The following PHF14 variants were observed in gnomAD, a reference collection of about 807,000 sequenced individuals.
PHF14 encodes the protein PHD finger protein 14.
In PHF14, 55 loss-of-function variants were observed where a neutral mutation model predicts 117.9. That is an observed-to-expected ratio of 0.47 (90% CI 0.38 to 0.58). The LOEUF is 0.58. Ranked by LOEUF, PHF14 falls within the 20% of genes least tolerant of loss-of-function variation. PHF14 has a pLI of 0.00. For missense variants in PHF14, 978 were observed against 1,122.2 expected (o/e 0.87, Z 1.84); for synonymous variants, 409 against 368.6 (o/e 1.11, Z -1.26).
chr7:11,086,696 T>A (rs536408821), intron 16 of PHF14, among the ~76,000 whole-genome samples: 2 of 152,342 alleles, frequency 1.3e-5, no homozygotes, highest in Non-Finnish European at 2.9e-5. Flanking sequence ...AATTGTCAGA[T>A]ATTAATGGGA....
intron 17 of PHF14, among the ~76,000 whole-genome samples, chr7:11,147,778 T>A (rs1454857507): frequency 2.6e-5 from 4 of 152,160 alleles, no homozygotes; most frequent in Non-Finnish European, 4.4e-5. Flanking sequence ...TTGCATGCAG[T>A]TGTACCTGTA....
At chr7:11,115,198 G>T (rs1357905538) in intron 17 of PHF14, among the ~76,000 whole-genome samples, 1 of 151,666 alleles carries the variant, frequency 6.6e-6, no homozygotes, top group African/African-American at 2.4e-5. Context: ...CACTACTACT[G>T]TCTTGATTTA....
chr7:11,081,404 T>C (rs926294848), intron 16 of PHF14, among the ~76,000 whole-genome samples: 1 of 152,210 alleles, frequency 6.6e-6, no homozygotes, highest in African/African-American at 2.4e-5. Flanking sequence ...GTGAAAAATA[T>C]TTGGAACCAA....
At chr7:11,100,987 A>G (rs1787066613) in intron 16 of PHF14, among the ~76,000 whole-genome samples, 1 of 151,870 alleles carries the variant, frequency 6.6e-6, no homozygotes, top group Non-Finnish European at 1.5e-5. Flanking sequence ...TTTGAAAACA[A>G]TTTTTTCTAC....
At chr7:11,063,463 T>G in intron 16 of PHF14, 2 of 980,706 alleles carry the variant, frequency 2.0e-6, no homozygotes, top group Non-Finnish European at 2.4e-6. Context: ...AAAATTTAAT[T>G]CAGGAAAATT....
chr7:11,122,021 C>T (rs538369324), intron 17 of PHF14, among the ~76,000 whole-genome samples: 1 of 151,550 alleles, frequency 6.6e-6, no homozygotes, highest in Admixed American at 6.6e-5. Context: ...TTGCCCTACC[C>T]CCCGACAGGC....
intron 16 of PHF14, chr7:11,106,852 T>C: frequency 1.0e-6 from 1 of 984,214 alleles, no homozygotes; most frequent in Non-Finnish European, 1.2e-6. Context: ...TAATAGTCTA[T>C]ATTTTCAGAG....
rs1228199086 is a variant in PHF14 at position 11,028,878 on chromosome 7, G to A, written c.1455+60G>A. ...TTCACAAGATATCTTTTGACTCTAT[G>A]TCCTATAATAAGTGTAAATAATAAA... On this transcript the variant is annotated intron_variant, in intron 7 of 17. Coordinates refer to ENST00000634607, the MANE Select transcript of PHF14 (RefSeq NM_001007157.2). 4.4e-6 allele frequency: 6 copies of A among 1,376,998 alleles called. No individual in the cohort carries two copies. The East Asian group carries it at 1.2e-4, about 27-fold the overall frequency. 85.3% of individuals were successfully genotyped at this position (1,376,998 alleles called of 1,614,324 possible).
intron 16 of PHF14, among the ~76,000 whole-genome samples, chr7:11,074,320 C>T (rs528583720): frequency 1.2e-4 from 18 of 151,832 alleles, no homozygotes; most frequent in African/African-American, 4.4e-4. Flanking sequence ...ATACCATTCT[C>T]CTGCCTCAGC....
intron 17 of PHF14, among the ~76,000 whole-genome samples, chr7:11,143,160 A>G (rs1788445600): frequency 6.6e-6 from 1 of 152,208 alleles, no homozygotes; most frequent in East Asian, 1.9e-4. Context: ...ATTGTATTGA[A>G]CTATGGTTTA....
chr7:10,982,608 A>G lies in PHF14; in HGVS notation c.349A>G (p.Lys117Glu). The change falls in exon 3 of 18, where the codon AAA becomes GAA. Residue 117 changes from lysine to glutamate, a missense_variant. Around this residue, in one of 7 missense-constraint regions of PHF14, gnomAD observed 414 missense variants for 376.4 expected, o/e 1.10. Coordinates refer to ENST00000634607, the MANE Select transcript of PHF14 (RefSeq NM_001007157.2). ...AGAAAGACCTAGAAAGAAAAAGGAG[A>G]AAGAGAAGGAAAAAGAAAAGGAAAA... Reference protein sequence around the residue: ...NGERPRKKKEKEKEKEKEKEK... With the variant: ...NGERPRKKKEEEKEKEKEKEK... 1 of 1,519,280 alleles carries G rather than the reference A, an allele frequency of 6.6e-7. No individual in the cohort carries two copies. The highest frequency in any genetic ancestry group is 1.2e-5 in the South Asian group (1 of 82,144). The allele number at this position is 1,519,280 out of a possible 1,614,324, so 94.1% of individuals were successfully genotyped here.
intron 17 of PHF14, among the ~76,000 whole-genome samples, chr7:11,138,434 TC>T (rs1481226259): frequency 6.6e-6 from 1 of 152,152 alleles, no homozygotes; most frequent in Non-Finnish European, 1.5e-5. Context: ...ACCCACTTTA[TC>T]CCTTATTATT....
intron 5 of PHF14, among the ~76,000 whole-genome samples, chr7:11,014,711 C>A (rs1390672622): frequency 6.6e-6 from 1 of 152,136 alleles, no homozygotes; most frequent in Non-Finnish European, 1.5e-5. Flanking sequence ...GTGTTATGCT[C>A]ACTCTGAGAA....
chr7:11,043,574 A>C (rs1300552833), intron 13 of PHF14, among the ~76,000 whole-genome samples: 1 of 152,106 alleles, frequency 6.6e-6, no homozygotes, highest in Non-Finnish European at 1.5e-5. Context: ...CAAATACATT[A>C]GGCATATTTT....
intron 17 of PHF14, among the ~76,000 whole-genome samples, chr7:11,122,331 T>TAA (rs1787779306): frequency 1.2e-5 from 1 of 84,054 alleles, no homozygotes; most frequent in Non-Finnish European, 2.2e-5. Context: ...TTTGTACTTT[T>TAA]TATATATATA....
intron 16 of PHF14, chr7:11,104,936 C>T: frequency 1.0e-6 from 1 of 967,108 alleles, no homozygotes; most frequent in Non-Finnish European, 1.2e-6. Context: ...GTGCTTTTAA[C>T]ATCTCCTTAA....
At chr7:10,978,493 T>C (rs1781943069) in intron 2 of PHF14, among the ~76,000 whole-genome samples, 1 of 152,122 alleles carries the variant, frequency 6.6e-6, no homozygotes, top group African/African-American at 2.4e-5. Flanking sequence ...TGTTGAGACT[T>C]GGAATTGTTT....
At chr7:11,065,280 G>C (rs538124192) in intron 16 of PHF14, among the ~76,000 whole-genome samples, 1 of 152,112 alleles carries the variant, frequency 6.6e-6, no homozygotes, top group South Asian at 2.1e-4. Flanking sequence ...TAAAGGTCAA[G>C]TTGAAACTAT....
chr7:11,122,843 C>A (rs1255124216), intron 17 of PHF14, among the ~76,000 whole-genome samples: 6 of 152,086 alleles, frequency 3.9e-5, no homozygotes, highest in Non-Finnish European at 7.4e-5. Context: ...TTCTTGGTCA[C>A]CAATAAAACA....
Sources: allele counts gnomAD v4.1 joint callset (sites outside exome capture counted in the v4.1 genomes callset), GRCh38; gene constraint gnomAD v4.1.1; regional missense constraint gnomAD v4.1.1; transcripts MANE v1.5; gene names NCBI Gene and HGNC (gene_info 2026-07-23, HGNC 2026-07-21).